MDGA2: variants seen among roughly 807,000 people sequenced by gnomAD.
MDGA2 encodes MAM domain containing glycosylphosphatidylinositol anchor 2, also known as MAM domain-containing glycosylphosphatidylinositol anchor protein 2.
A neutral mutation model predicts 117.8 loss-of-function variants in MDGA2; 40 were observed. The observed-to-expected ratio is 0.34, with a 90% CI of 0.26 to 0.44. The LOEUF is 0.44. Among genes scored for constraint, MDGA2 ranks in the 20% least tolerant of loss-of-function variants. The pLI is 1.00. For synonymous variants in MDGA2, 452 were observed against 439.0 expected, an observed-to-expected ratio of 1.03 and a Z score of -0.37; for missense variants, 1,123 against 1,250.6, an observed-to-expected ratio of 0.90 and a Z score of 1.54.
chr14:47,108,316 A>G (rs1387251186), intron 5 of MDGA2, among the ~76,000 whole-genome samples: 1 of 152,084 alleles, frequency 6.6e-6, no homozygotes. Flanking sequence ...AGGCAGGAAT[A>G]TCAGGCCTCT....
At chr14:47,539,018 G>C (rs891679273) in intron 1 of MDGA2, among the ~76,000 whole-genome samples, 7 of 152,192 alleles carry the variant, frequency 4.6e-5, no homozygotes, top group Non-Finnish European at 1.0e-4. Context: ...GGAGAAGTCT[G>C]CTGAATTGTC....
chr14:47,487,245 T>C (rs1225896763), intron 1 of MDGA2, among the ~76,000 whole-genome samples: 2 of 152,196 alleles, frequency 1.3e-5, no homozygotes, highest in East Asian at 1.9e-4. Flanking sequence ...AACATTACTG[T>C]GGATAATCCC....
At chr14:47,428,265 C>A (rs1432722819) in intron 1 of MDGA2, among the ~76,000 whole-genome samples, 1 of 152,012 alleles carries the variant, frequency 6.6e-6, no homozygotes, top group Non-Finnish European at 1.5e-5. Flanking sequence ...TTCAGTCATT[C>A]TCATATTTGA....
chr14:47,420,326 A>G (rs1007880666), intron 1 of MDGA2, among the ~76,000 whole-genome samples: 5 of 152,176 alleles, frequency 3.3e-5, no homozygotes, highest in Admixed American at 1.3e-4. Flanking sequence ...CAAATGTGGA[A>G]GGAATGAGAT....
chr14:47,305,535 A>G (rs1454955704), intron 1 of MDGA2, among the ~76,000 whole-genome samples: 1 of 152,230 alleles, frequency 6.6e-6, no homozygotes, highest in African/African-American at 2.4e-5. Flanking sequence ...GTTAGAATAT[A>G]CTTTTGAAAG....
intron 8 of MDGA2, among the ~76,000 whole-genome samples, chr14:47,008,067 C>G (rs991848406): frequency 2.6e-5 from 4 of 151,736 alleles, no homozygotes; most frequent in African/African-American, 9.7e-5. Flanking sequence ...AAATGGTAAC[C>G]AGTAGTGAAC....
chr14:47,462,675 A>G (rs553704317), intron 1 of MDGA2, among the ~76,000 whole-genome samples: 1 of 152,346 alleles, frequency 6.6e-6, no homozygotes, highest in South Asian at 2.1e-4. Flanking sequence ...CCGTGTTCCC[A>G]ATGATTACTA....
rs114482510 is a variant in MDGA2, at chr14:47,269,997, G to A, written c.420+31414C>T. ...TTACTAACTATTACTGCCACAGTTG[G>A]AAAAGTGAAAGCACAGCGTGGAGCC... On this transcript the variant is annotated intron_variant, in intron 2 of 16. Transcript: ENST00000399232. 4.2e-3 allele frequency among the ~76,000 whole-genome samples: 636 copies of A among 152,240 alleles called. 9 individuals carry two copies. Among genetic ancestry groups the A allele is most frequent in the African/African-American group, 0.015 (612 of 41,522 alleles).
chr14:47,220,191 C>T (rs2139520270), intron 2 of MDGA2, among the ~76,000 whole-genome samples: 1 of 152,172 alleles, frequency 6.6e-6, no homozygotes, highest in African/African-American at 2.4e-5. Flanking sequence ...TAAATTTACA[C>T]ATTGGAAGAG....
intron 8 of MDGA2, among the ~76,000 whole-genome samples, chr14:46,958,981 C>A (rs1351451571): frequency 6.6e-6 from 1 of 152,064 alleles, no homozygotes; most frequent in African/African-American, 2.4e-5. Context: ...TTGTCCAAAT[C>A]ATCTATATGG....
At chr14:47,583,235 G>A (rs933360541) in intron 1 of MDGA2, among the ~76,000 whole-genome samples, 1 of 151,786 alleles carries the variant, frequency 6.6e-6, no homozygotes, top group African/African-American at 2.4e-5. Flanking sequence ...ATAGAATGAC[G>A]TGAGGGAGAA....
intron 2 of MDGA2, among the ~76,000 whole-genome samples, chr14:47,237,185 A>G (rs558072276): frequency 1.3e-5 from 2 of 152,134 alleles, no homozygotes; most frequent in Non-Finnish European, 2.9e-5. Context: ...AAAATCATTT[A>G]TTGGGCAGGA....
At chr14:47,138,617 T>C (rs1882569912) in intron 4 of MDGA2, among the ~76,000 whole-genome samples, 1 of 152,112 alleles carries the variant, frequency 6.6e-6, no homozygotes, top group Non-Finnish European at 1.5e-5. Flanking sequence ...CCCTTACCAA[T>C]GCTGACATTG....
intron 7 of MDGA2, among the ~76,000 whole-genome samples, chr14:47,056,430 C>T (rs1305163273): frequency 2.0e-5 from 3 of 152,096 alleles, no homozygotes; most frequent in African/African-American, 4.8e-5. Flanking sequence ...TATGCTTCAG[C>T]TTCTTGTTTA....
intron 5 of MDGA2, among the ~76,000 whole-genome samples, chr14:47,104,972 C>G (rs926561126): frequency 6.6e-6 from 1 of 152,124 alleles, no homozygotes; most frequent in African/African-American, 2.4e-5. Context: ...ACAAAAGAGA[C>G]ATGTTTTATC....
intron 6 of MDGA2, among the ~76,000 whole-genome samples, chr14:47,086,887 T>C (rs1394760976): frequency 1.3e-5 from 2 of 152,210 alleles, no homozygotes; most frequent in Non-Finnish European, 2.9e-5. Context: ...TGTTAGTTTA[T>C]TCTTTTGCAT....
intron 1 of MDGA2, among the ~76,000 whole-genome samples, chr14:47,434,904 G>A (rs1892867288): frequency 6.6e-6 from 1 of 152,142 alleles, no homozygotes; most frequent in Non-Finnish European, 1.5e-5. Flanking sequence ...GGGAGGTCAA[G>A]GTGGGTGGAT....
intron 3 of MDGA2, among the ~76,000 whole-genome samples, chr14:47,163,766 T>C (rs748237797): frequency 6.6e-6 from 1 of 152,174 alleles, no homozygotes; most frequent in Non-Finnish European, 1.5e-5. Context: ...CCATAATTCA[T>C]TGGTGAAGAA....
chr14:47,381,185 A>G (rs1213088170), intron 1 of MDGA2, among the ~76,000 whole-genome samples: 1 of 152,202 alleles, frequency 6.6e-6, no homozygotes, highest in Non-Finnish European at 1.5e-5. Flanking sequence ...AACTCTCAAT[A>G]AACTAGGTAT....
Sources: gnomAD v4.1 joint callset for allele counts (sites outside exome capture counted in the v4.1 genomes callset) on GRCh38, gnomAD v4.1.1 for gene constraint, MANE v1.5 for transcripts, NCBI Gene and HGNC (gene_info 2026-07-23, HGNC 2026-07-21) for gene names.